JAKMIP2: variants seen among roughly 807,000 people sequenced by gnomAD.
JAKMIP2 encodes the protein janus kinase and microtubule-interacting protein 2.
A neutral mutation model predicts 115.0 loss-of-function variants in JAKMIP2; 25 were observed. The observed-to-expected ratio is 0.22, with a 90% CI of 0.16 to 0.30. The LOEUF is 0.30. Among genes scored for constraint, JAKMIP2 ranks in the 10% least tolerant of loss-of-function variants. The probability of loss-of-function intolerance (pLI) is 1.00; values close to 1 mark genes in which losing one functional copy is unlikely to be tolerated. For synonymous variants in JAKMIP2, 334 were observed against 343.6 expected, an observed-to-expected ratio of 0.97 and a Z score of 0.31; for missense variants, 642 against 957.6, an observed-to-expected ratio of 0.67 and a Z score of 4.35.
chr5:147,741,698 G>T (rs543271149), intron 1 of JAKMIP2, among the ~76,000 whole-genome samples: 1 of 152,210 alleles, frequency 6.6e-6, no homozygotes, highest in East Asian at 1.9e-4. Context: ...CAAAGCACAA[G>T]AAAGTGTTTT....
At chr5:147,652,990 G>A (rs146613443) in intron 3 of JAKMIP2, among the ~76,000 whole-genome samples, 2,483 of 152,204 alleles carry the variant, frequency 0.016, 74 homozygotes, top group African/African-American at 0.056. Context: ...AGTTTGCTGA[G>A]GATGATGGCT....
rs1197451017 is a variant in JAKMIP2 at position 147,591,231 on chromosome 5, T to C, written c.*476A>G. On this transcript the variant is annotated 3_prime_UTR_variant, in exon 22 of 22. Coordinates refer to ENST00000616793, the MANE Select transcript of JAKMIP2 (RefSeq NM_001270941.2). ...CCCACCCACCCTTGTTTTTTTTGTT[T>C]GTTTGTTTTGATCTTTTAAAATGAT... 6.4e-6 allele frequency: 1 copy of C among 157,300 alleles called. No individual in the cohort carries two copies. The highest frequency in any genetic ancestry group is 1.4e-5 in the Non-Finnish European group (1 of 71,532). 9.7% of individuals were successfully genotyped at this position (157,300 alleles called of 1,614,324 possible).
intron 1 of JAKMIP2, among the ~76,000 whole-genome samples, chr5:147,676,088 C>G (rs1462878496): frequency 6.6e-6 from 1 of 152,134 alleles, no homozygotes; most frequent in Non-Finnish European, 1.5e-5. Flanking sequence ...AATCCCAGCA[C>G]TTTGGGAGGC....
chr5:147,740,982 G>A (rs1469412403), intron 1 of JAKMIP2, among the ~76,000 whole-genome samples: 1 of 152,094 alleles, frequency 6.6e-6, no homozygotes, highest in Non-Finnish European at 1.5e-5. Flanking sequence ...GCCCTTCACA[G>A]TATCCTAGAC....
chr5:147,621,063 TATG>T (rs1305192458), intron 17 of JAKMIP2, among the ~76,000 whole-genome samples: 2 of 152,246 alleles, frequency 1.3e-5, no homozygotes, highest in Non-Finnish European at 2.9e-5. Flanking sequence ...GTAAAAGTAT[TATG>T]ATAATATATT....
intron 1 of JAKMIP2, among the ~76,000 whole-genome samples, chr5:147,723,701 T>C (rs1338570086): frequency 1.3e-5 from 2 of 152,200 alleles, no homozygotes; most frequent in African/African-American, 2.4e-5. Flanking sequence ...CTTTGTCTCA[T>C]TTACTATGCA....
At chr5:147,754,093 A>AC (rs1295827305) in intron 1 of JAKMIP2, among the ~76,000 whole-genome samples, 1 of 152,202 alleles carries the variant, frequency 6.6e-6, no homozygotes, top group African/African-American at 2.4e-5. Context: ...AATTCTTGTT[A>AC]CTACCTTTGG....
Position 147,601,786 on chromosome 5 carries a change from G to C in JAKMIP2, c.2438C>G (p.Ser813Cys), listed in dbSNP as rs1430603377. ...EKFLFLFLFFSLAFILWP is the reference protein window; with the variant it reads ...EKFLFLFLFFCLAFILWP ...TCAAGGCCATAGAATAAAGGCAAGA[G>C]AGAAGAACAAGAATAGAAACAGAAA... is the stretch of plus-strand genomic sequence containing the variant. Residue 813 changes from serine to cysteine, a missense_variant, in exon 21 of 22, where the codon TCT (serine) becomes TGT (cysteine). Coordinates refer to ENST00000616793, the MANE Select transcript of JAKMIP2 (RefSeq NM_001270941.2). 6.7e-7 allele frequency: 1 copy of C among 1,492,606 alleles called. No homozygotes were observed. Among genetic ancestry groups the C allele is most frequent in the Non-Finnish European group, 9.1e-7 (1 of 1,100,842 alleles). The allele number at this position is 1,492,606 out of a possible 1,614,324, so 92.5% of individuals were successfully genotyped here.
At chr5:147,604,874 G>A (rs901074107) in intron 20 of JAKMIP2, among the ~76,000 whole-genome samples, 22 of 150,592 alleles carry the variant, frequency 1.5e-4, no homozygotes, top group Non-Finnish European at 3.1e-4. Context: ...TGCGCAGAAC[G>A]TGCAGGTTTG....
intron 2 of JAKMIP2, among the ~76,000 whole-genome samples, chr5:147,664,763 T>C (rs185486366): frequency 6.6e-6 from 1 of 152,254 alleles, no homozygotes; most frequent in Non-Finnish European, 1.5e-5. Flanking sequence ...TTTAGAAAGT[T>C]GCCAATGAGC....
chr5:147,695,995 C>T (rs1752091194), intron 1 of JAKMIP2, among the ~76,000 whole-genome samples: 1 of 152,050 alleles, frequency 6.6e-6, no homozygotes, highest in Non-Finnish European at 1.5e-5. Flanking sequence ...AAAAATACAA[C>T]AATATTTTAT....
intron 1 of JAKMIP2, among the ~76,000 whole-genome samples, chr5:147,689,853 T>C (rs948944631): frequency 6.6e-6 from 1 of 152,110 alleles, no homozygotes; most frequent in African/African-American, 2.4e-5. Context: ...GGGCTGGAGA[T>C]AGAGCTGAGG....
chr5:147,668,878 C>T (rs1041869031), intron 2 of JAKMIP2, among the ~76,000 whole-genome samples: 11 of 152,322 alleles, frequency 7.2e-5, no homozygotes, highest in African/African-American at 2.6e-4. Context: ...CAGCCCATGA[C>T]AGATAGTAAA....
chr5:147,778,130 T>A (rs1755631126), intron 1 of JAKMIP2, among the ~76,000 whole-genome samples: 1 of 152,084 alleles, frequency 6.6e-6, no homozygotes, highest in South Asian at 2.1e-4. Context: ...CCAACCTCTA[T>A]GTCATTAAAA....
chr5:147,775,115 C>T (rs527545190), intron 1 of JAKMIP2, among the ~76,000 whole-genome samples: 4 of 152,154 alleles, frequency 2.6e-5, no homozygotes, highest in Non-Finnish European at 5.9e-5. Context: ...TAAGTTACAG[C>T]GTATCAGCAG....
chr5:147,654,997 G>A (rs1431514970), intron 3 of JAKMIP2, among the ~76,000 whole-genome samples: 1 of 152,160 alleles, frequency 6.6e-6, no homozygotes, highest in Non-Finnish European at 1.5e-5. Flanking sequence ...TTATGTGATG[G>A]ATTACATTTA....
rs374762001 is a variant in JAKMIP2 at position 147,682,834 on chromosome 5, G to T, written c.-148-10880C>A. 1.4e-4 allele frequency among the ~76,000 whole-genome samples: 22 copies of T among 152,276 alleles called. 1 individual carries two copies. In the East Asian group the frequency reaches 2.9e-3, roughly 20 times the overall value. On this transcript the variant is annotated intron_variant, in intron 1 of 21. Coordinates refer to ENST00000616793, the MANE Select transcript of JAKMIP2 (RefSeq NM_001270941.2). Reference sequence around the variant, plus strand: ...AAATGTATTTTTCTTTAAGCCACTTGCTGACATTTCTTAATCCTTGCCTCC... The same window carrying T: ...AAATGTATTTTTCTTTAAGCCACTTTCTGACATTTCTTAATCCTTGCCTCC...
At chr5:147,773,561 T>C (rs977995431) in intron 1 of JAKMIP2, among the ~76,000 whole-genome samples, 8 of 152,160 alleles carry the variant, frequency 5.3e-5, no homozygotes, top group Admixed American at 2.0e-4. Flanking sequence ...GACTAAACCA[T>C]GTAGGCTTGA....
chr5:147,779,350 A>G (rs1755675326), intron 1 of JAKMIP2, among the ~76,000 whole-genome samples: 1 of 152,062 alleles, frequency 6.6e-6, no homozygotes, highest in East Asian at 1.9e-4. Context: ...ATAGCATTTG[A>G]GTGGAAGATT....
Sources: allele counts gnomAD v4.1 joint callset (sites outside exome capture counted in the v4.1 genomes callset), GRCh38; gene constraint gnomAD v4.1.1; transcripts MANE v1.5; gene names NCBI Gene and HGNC (gene_info 2026-07-23, HGNC 2026-07-21).